Variants in CGN observed in about 807,000 individuals in gnomAD.
The protein encoded by CGN is cingulin.
CGN carries 121 observed loss-of-function variants against 157.1 expected under a neutral mutation model. The observed-to-expected ratio is 0.77, with a 90% CI of 0.66 to 0.90. CGN has a LOEUF of 0.90. Ranked by LOEUF, CGN falls within the 40% of genes least tolerant of loss-of-function variation. The probability of loss-of-function intolerance (pLI) is 0.00; values close to 1 mark genes in which losing one functional copy is unlikely to be tolerated. For missense variants in CGN, 1,424 were observed against 1,520.9 expected, an observed-to-expected ratio of 0.94 and a Z score of 1.06; for synonymous variants, 535 against 607.5, an observed-to-expected ratio of 0.88 and a Z score of 1.76.
intron 15 of CGN, chr1:151,534,750 C>G: frequency 2.8e-6 from 1 of 355,278 alleles, no homozygotes. Context: ...GGGTTTCTCT[C>G]TCTTTTCCCA....
chr1:151,529,470 G>A lies in CGN; in HGVS notation c.2017G>A (p.Ala673Thr). The A allele has an allele frequency of 1.9e-6, 3 of 1,613,934 alleles. No individual in the cohort carries two copies. The highest frequency in any genetic ancestry group is 1.7e-6 in the Non-Finnish European group (2 of 1,179,980). ...GCAGCTGGCGGTCCTGAGGGTCGAG[G>A]CTGATCGAGGTCGGGAGCTGGAAGA... Reference protein sequence around the residue: ...EKQLAVLRVEADRGRELEEQN... With the variant: ...EKQLAVLRVETDRGRELEEQN... The change falls in exon 11 of 21, where the codon GCT (alanine) becomes ACT (threonine). Residue 673 changes from alanine to threonine, a missense_variant. Physicochemically the swap from Ala to Thr is moderately conservative, Grantham distance 58. Transcript: ENST00000271636.
At chr1:151,515,154 C>T (rs1253717984) in intron 1 of CGN, among the ~76,000 whole-genome samples, 2 of 152,020 alleles carry the variant, frequency 1.3e-5, no homozygotes, top group East Asian at 3.9e-4. Context: ...AGGCGTGCAC[C>T]ACCACGCACA....
At position 151,536,913 on chromosome 1, in the gene CGN, C is replaced by T; in HGVS notation, c.3470+20C>T. On this transcript the variant is annotated intron_variant, in intron 20 of 20. Coordinates refer to ENST00000271636, the MANE Select transcript of CGN (RefSeq NM_020770.3). ...CTCCTGGTATGGGCTACCCTTTTGC[C>T]CTTGCTCCATAGGGACACTAGAGCA... 6.2e-7 allele frequency: 1 copy of T among 1,611,886 alleles called. No individual in the cohort carries two copies. Among genetic ancestry groups the T allele is most frequent in the Non-Finnish European group, 8.5e-7 (1 of 1,178,846 alleles).
rs1664291460 is a variant in CGN at position 151,511,477 on chromosome 1, A to AGCCCGAGCCCGC, written c.-47_-46insGCCCGCGCCCGA. 5.3e-6 allele frequency: 1 copy of AGCCCGAGCCCGC among 190,396 alleles called. No homozygotes were observed. Among genetic ancestry groups the AGCCCGAGCCCGC allele is most frequent in the African/African-American group, 2.4e-5 (1 of 41,768 alleles). The allele number at this position is 190,396 out of a possible 1,614,324, so 11.8% of individuals were successfully genotyped here. A position where few individuals can be genotyped will look rare whatever the true frequency, so the allele number is the denominator to read the frequency against. The stretch of plus-strand genomic sequence containing the variant: ...GAGCCCGAGCCCGAGCCCGAGCCCG[A>AGCCCGAGCCCGC]GCCCGAACGCAAGCCTGGGAGCGCG... On this transcript the variant is annotated 5_prime_UTR_variant, in exon 1 of 21. Coordinates refer to ENST00000271636, the MANE Select transcript of CGN (RefSeq NM_020770.3). The surrounding 1 kb of genome is among the most constrained non-coding windows in gnomAD (Gnocchi z 4.8).
chr1:151,522,012 T>G (rs1368405113), intron 5 of CGN, among the ~76,000 whole-genome samples: 1 of 151,982 alleles, frequency 6.6e-6, no homozygotes, highest in African/African-American at 2.4e-5. Context: ...GCATGGTGGC[T>G]TACGCCTATA....
chr1:151,529,335 C>A lies in CGN; in HGVS notation c.1897-15C>A. The A allele has an allele frequency of 1.9e-6, 3 of 1,610,852 alleles. No homozygotes were observed. Among genetic ancestry groups the A allele is most frequent in the African/African-American group, 1.3e-5 (1 of 74,972 alleles). On this transcript the variant is annotated splice_polypyrimidine_tract_variant and intron_variant, in intron 10 of 20. Coordinates refer to ENST00000271636, the MANE Select transcript of CGN (RefSeq NM_020770.3). ...TGGCTCTGGGTGCCCCATCACCATT[C>A]CCGTTTCCTTCCAGGAGCTGCTCCG...
intron 19 of CGN, 115 bp from the exon 20 acceptor site, chr1:151,536,615 C>A: frequency 1.9e-6 from 2 of 1,062,648 alleles, no homozygotes; most frequent in Non-Finnish European, 2.8e-6. Context: ...AAGGAACTTG[C>A]CCAAGGCCAC....
At chr1:151,510,377 C>CT (rs1664255063), upstream of CGN, 2 of 152,176 alleles carry the variant, frequency 1.3e-5, no homozygotes, top group African/African-American at 2.4e-5. Flanking sequence ...GCAACGTAAA[C>CT]GAAGTCAATC....
At position 151,517,726 on chromosome 1, in the gene CGN, G is replaced by C. The variant is rs1219003212; in HGVS notation, c.-14-780G>C. Among the ~76,000 whole-genome samples, 5 of 152,190 alleles carry C rather than the reference G, an allele frequency of 3.3e-5. No individual in the cohort carries two copies. The East Asian group carries it at 9.6e-4, about 29-fold the overall frequency. ...AAGGTTTCACCGTGTTGGTCAGGCTGGTCTTGAACTCCTGACCTCAGGTGA... is the reference window on the plus strand; with the variant it reads ...AAGGTTTCACCGTGTTGGTCAGGCTCGTCTTGAACTCCTGACCTCAGGTGA... On this transcript the variant is annotated intron_variant, in intron 1 of 20. Transcript: ENST00000271636.
intron 1 of CGN, among the ~76,000 whole-genome samples, chr1:151,517,867 T>TTC (rs1467229727): frequency 1.3e-5 from 2 of 151,652 alleles, no homozygotes; most frequent in Admixed American, 6.6e-5. Flanking sequence ...TTTTTTTTTT[T>TTC]TGAGACAGGG....
intron 5 of CGN, among the ~76,000 whole-genome samples, chr1:151,522,509 C>T (rs1664564572): frequency 6.6e-6 from 1 of 151,800 alleles, no homozygotes; most frequent in Admixed American, 6.6e-5. Flanking sequence ...TCTGTAATCC[C>T]TGCTGCTTGG....
chr1:151,530,557 C>T lies in CGN; in HGVS notation c.2382C>T (p.Ala794=), dbSNP rs1448823694. Residue 794 remains alanine, a synonymous_variant, in exon 13 of 21, where the codon GCC becomes GCT. Coordinates refer to ENST00000271636, the MANE Select transcript of CGN (RefSeq NM_020770.3). The part of the protein sequence containing the change: ...SQEEEGSLAA[A]KRALEARLEE... ...AAGAGGAGGGGAGTCTGGCAGCAGC[C>T]AAGCGGGCACTGGAGGCACGCCTAG... is the stretch of plus-strand genomic sequence containing the variant. 1 of 1,608,668 alleles carries T rather than the reference C, an allele frequency of 6.2e-7. No individual in the cohort carries two copies. The highest frequency in any genetic ancestry group is 1.7e-5 in the Admixed American group (1 of 59,284).
In CGN at chr1:151,529,474, A is replaced by T. The variant is rs1664777568; in HGVS notation, c.2021A>T (p.Asp674Val). 2 of 1,613,874 alleles carry T rather than the reference A, an allele frequency of 1.2e-6. No homozygotes were observed. The highest frequency in any genetic ancestry group is 2.2e-5 in the South Asian group (2 of 91,046). ...CTGGCGGTCCTGAGGGTCGAGGCTG[A>T]TCGAGGTCGGGAGCTGGAAGAACAG... The part of the protein sequence containing the change: ...KQLAVLRVEA[D>V]RGRELEEQNL... The change falls in exon 11 of 21, where the codon GAT becomes GTT. Residue 674 changes from aspartate to valine, a missense_variant. Physicochemically the swap from Asp to Val is radical, Grantham distance 152 (BLOSUM62 -3). This residue lies in a region of CGN where 1,187 missense variants were observed against 1,217.6 expected (regional missense o/e 0.97). Transcript: ENST00000271636.
intron 17 of CGN, 30 bp from the exon 18 acceptor site, chr1:151,535,750 C>G (rs1233657406): frequency 6.2e-7 from 1 of 1,609,524 alleles, no homozygotes; most frequent in Non-Finnish European, 8.5e-7. Flanking sequence ...CAGTGGAGTG[C>G]TAACTGTGGA....
intron 14 of CGN, 82 bp from the exon 15 acceptor site, chr1:151,533,893 G>C (rs1238593849): frequency 3.3e-6 from 4 of 1,220,692 alleles, no homozygotes; most frequent in Non-Finnish European, 4.5e-6. Context: ...AAATGTTTCT[G>C]CCCACTGGGC....
Position 151,524,299 on chromosome 1 carries a change from C to G in CGN, c.1342C>G (p.Leu448Val), listed in dbSNP as rs1428405954. The change falls in exon 7 of 21, where the codon CTG becomes GTG. Residue 448 changes from leucine to valine, a missense_variant. Leu to Val is a conservative substitution (Grantham distance 32). This residue lies in a region of CGN where 1,187 missense variants were observed against 1,217.6 expected (regional missense o/e 0.97). Transcript: ENST00000271636. The surrounding 1 kb of genome is among the most constrained non-coding windows in gnomAD (Gnocchi z 4.4). Reference protein sequence around the residue: ...RHGLETQVMELQNKLKHVQGP... With the variant: ...RHGLETQVMEVQNKLKHVQGP... The stretch of plus-strand genomic sequence containing the variant: ...TGGGCTGGAGACCCAGGTGATGGAG[C>G]TGCAGAACAAGCTGAAACATGTCCA... 1 of 1,614,166 alleles carries G rather than the reference C, an allele frequency of 6.2e-7. No individual in the cohort carries two copies. The highest frequency in any genetic ancestry group is 8.5e-7 in the Non-Finnish European group (1 of 1,180,022).
intron 12 of CGN, 24 bp downstream of exon 12, chr1:151,530,139 CCT>C (rs777763097): frequency 1.1e-5 from 17 of 1,598,014 alleles, no homozygotes; most frequent in Middle Eastern, 1.7e-4. Context: ...CCCTCCCAGC[CCT>C]CTCTGCTCAG....
At chr1:151,531,286 C>T (rs1196585140) in intron 13 of CGN, among the ~76,000 whole-genome samples, 1 of 152,216 alleles carries the variant, frequency 6.6e-6, no homozygotes, top group Non-Finnish European at 1.5e-5. Flanking sequence ...CCTTTATGGT[C>T]TTCATTCTTG....
chr1:151,533,979 A>G lies in CGN; in HGVS notation c.2747A>G (p.Gln916Arg). 6.2e-7 allele frequency: 1 copy of G among 1,607,440 alleles called. No individual in the cohort carries two copies. Among genetic ancestry groups the G allele is most frequent in the South Asian group, 1.1e-5 (1 of 90,286 alleles). The change falls in exon 15 of 21, where the codon CAG (glutamine) becomes CGG (arginine). Residue 916 changes from glutamine (Q) to arginine (R), a missense_variant. Gln to Arg is a conservative substitution (Grantham distance 43, BLOSUM62 1). Transcript: ENST00000271636. The part of the protein sequence containing the change: ...GGLSRLQDEI[Q>R]RLRQALQASQ... ...GCATTTTTACCCCCTGCCCAGATCC[A>G]GAGGCTGCGGCAGGCCCTGCAGGCA...
Sources: allele counts gnomAD v4.1 joint callset (sites outside exome capture counted in the v4.1 genomes callset), GRCh38; gene constraint gnomAD v4.1.1; regional missense constraint gnomAD v4.1.1; non-coding constraint Gnocchi (gnomAD v3.1); transcripts MANE v1.5; gene names NCBI Gene and HGNC (gene_info 2026-07-23, HGNC 2026-07-21).